Variants in RLIG1 observed in about 807,000 individuals in gnomAD.
The protein encoded by RLIG1 is RNA 5'-phosphate and 3'-OH ligase 1.
chr12:88,038,434 G>C, the RLIG1 span, among the ~76,000 whole-genome samples: 1 of 152,156 alleles, frequency 6.6e-6, no homozygotes, highest in African/African-American at 2.4e-5. Context: ...CAATTCATCA[G>C]ACTACATGGG....
At chr12:88,049,153 A>AGTT in the RLIG1 span, 1 of 1,290,330 alleles carries the variant, frequency 7.7e-7, no homozygotes, top group Non-Finnish European at 1.1e-6. Flanking sequence ...GTTAATAAAT[A>AGTT]GTTAAATGAA....
chr12:88,048,097 A>C, the RLIG1 span: 1 of 501,070 alleles, frequency 2.0e-6, no homozygotes, highest in Non-Finnish European at 3.3e-6. Flanking sequence ...TCAGGAGAAG[A>C]CCAGCTATAA....
At chr12:88,048,374 A>AGAT in the RLIG1 span, 1 of 1,582,262 alleles carries the variant, frequency 6.3e-7, no homozygotes, top group Non-Finnish European at 8.6e-7. Flanking sequence ...TTTTAAAAAT[A>AGAT]GATAATCAGA....
At chr12:88,045,540 A>G in the RLIG1 span, 1 of 1,469,574 alleles carries the variant, frequency 6.8e-7, no homozygotes, top group Non-Finnish European at 9.3e-7. Context: ...AGTCCAAAGA[A>G]AAACGATCTA....
chr12:88,035,559 G>T, the RLIG1 span: 1 of 1,350,870 alleles, frequency 7.4e-7, no homozygotes, highest in South Asian at 1.3e-5. Flanking sequence ...GGCCTGAGCC[G>T]TGCGGGTGAC....
At chr12:88,038,387 A>G in the RLIG1 span, among the ~76,000 whole-genome samples, 12 of 152,312 alleles carry the variant, frequency 7.9e-5, no homozygotes, top group Admixed American at 3.9e-4. Context: ...AGATTTTTAG[A>G]TCAACATAGA....
chr12:88,040,323 C>T, the RLIG1 span: 2 of 1,036,744 alleles, frequency 1.9e-6, no homozygotes, highest in South Asian at 1.6e-5. Flanking sequence ...AATCACTTTA[C>T]AGTCTATCTG....
At chr12:88,043,970 G>A in the RLIG1 span, 12 of 444,574 alleles carry the variant, frequency 2.7e-5, no homozygotes, top group Admixed American at 8.3e-5. Flanking sequence ...ACAATAAAGC[G>A]TCAAAAGAGA....
the RLIG1 span, chr12:88,042,795 A>G: frequency 1.4e-6 from 2 of 1,398,130 alleles, no homozygotes; most frequent in Non-Finnish European, 1.9e-6. Context: ...TGTTTGCATC[A>G]TACTTTTCCT....
the RLIG1 span, chr12:88,036,165 C>A: frequency 1.8e-6 from 2 of 1,082,158 alleles, no homozygotes; most frequent in Non-Finnish European, 2.5e-6. Context: ...TCTGTCCGAA[C>A]CAGTGGCGGT....
the RLIG1 span, chr12:88,043,929 G>A: frequency 1.8e-6 from 1 of 542,368 alleles, no homozygotes; most frequent in Admixed American, 3.6e-5. Flanking sequence ...TCTTTTCTAA[G>A]ATGGGCATTT....
the RLIG1 span, chr12:88,042,690 A>G: frequency 2.0e-6 from 1 of 503,348 alleles, no homozygotes; most frequent in Non-Finnish European, 3.5e-6. Context: ...GGAGGTATAT[A>G]TTCTTAGACT....
chr12:88,042,726 G>A, the RLIG1 span: 6 of 675,044 alleles, frequency 8.9e-6, no homozygotes, highest in Non-Finnish European at 1.4e-5. Flanking sequence ...TCTTCTTTGA[G>A]AAATTAGCCT....
At chr12:88,039,674 C>T in the RLIG1 span, among the ~76,000 whole-genome samples, 1 of 152,240 alleles carries the variant, frequency 6.6e-6, no homozygotes, top group Non-Finnish European at 1.5e-5. Flanking sequence ...CTTTCCTTTA[C>T]CCATTTGTTT....
At chr12:88,036,598 T>C in the RLIG1 span, among the ~76,000 whole-genome samples, 1 of 152,222 alleles carries the variant, frequency 6.6e-6, no homozygotes, top group African/African-American at 2.4e-5. Context: ...TTTGTTGAAT[T>C]AAAGAATGAA....
At chr12:88,039,123 A>G in the RLIG1 span, among the ~76,000 whole-genome samples, 1 of 152,120 alleles carries the variant, frequency 6.6e-6, no homozygotes, top group Non-Finnish European at 1.5e-5. Context: ...ATGCCTTTGT[A>G]TATTTCATTT....
At chr12:88,040,602 A>G in the RLIG1 span, among the ~76,000 whole-genome samples, 4 of 152,310 alleles carry the variant, frequency 2.6e-5, no homozygotes, top group Admixed American at 2.0e-4. Flanking sequence ...CCAAGACCCA[A>G]TAGTGACTGA....
chr12:88,048,325 G>A, the RLIG1 span: 3 of 1,606,338 alleles, frequency 1.9e-6, no homozygotes, highest in African/African-American at 4.0e-5. Context: ...CTGAACAAAT[G>A]TGACTCTGCC....
chr12:88,037,515 C>T, the RLIG1 span, among the ~76,000 whole-genome samples: 2 of 152,096 alleles, frequency 1.3e-5, no homozygotes, highest in African/African-American at 2.4e-5. Flanking sequence ...TCTTCCCCCC[C>T]ACATAGGATC....
Sources: gnomAD v4.1 joint callset for allele counts (sites outside exome capture counted in the v4.1 genomes callset) on GRCh38, gnomAD v4.1.1 for gene constraint, MANE v1.5 for transcripts, NCBI Gene and HGNC (gene_info 2026-07-23, HGNC 2026-07-21) for gene names.